The following ACTR3C variants were observed in gnomAD, a reference collection of about 807,000 sequenced individuals.
ACTR3C encodes the protein actin-related protein 3C.
A neutral mutation model predicts 26.3 loss-of-function variants in ACTR3C; 18 were observed. The ratio of observed to expected loss-of-function variants is 0.68; its 90% CI spans 0.47 to 1.01. The LOEUF is 1.01. ACTR3C is among the 50% of genes least tolerant of loss of function. The pLI is 0.00. For synonymous variants in ACTR3C, 55 were observed against 94.5 expected, an observed-to-expected ratio of 0.58 and a Z score of 2.42; for missense variants, 184 against 250.7, an observed-to-expected ratio of 0.73 and a Z score of 1.80.
chr7:150,077,951 C>T, the ACTR3C span, among the ~76,000 whole-genome samples: 9 of 152,176 alleles, frequency 5.9e-5, no homozygotes, highest in African/African-American at 1.2e-4. Flanking sequence ...ATGAACTGGA[C>T]GTGCAATTCA....
At chr7:150,163,627 C>T in the ACTR3C span, among the ~76,000 whole-genome samples, 1 of 151,798 alleles carries the variant, frequency 6.6e-6, no homozygotes, top group South Asian at 2.1e-4. Context: ...CCAGAATCTG[C>T]CATCTGCAGA....
chr7:150,259,293 A>G (rs1027724785), intron 6 of ACTR3C, among the ~76,000 whole-genome samples: 8 of 140,232 alleles, frequency 5.7e-5, no homozygotes, highest in South Asian at 2.2e-4. Flanking sequence ...AAGAAAGAAA[A>G]AGAAAGAAAG....
At chr7:150,182,735 C>T in the ACTR3C span, among the ~76,000 whole-genome samples, 2 of 150,998 alleles carry the variant, frequency 1.3e-5, no homozygotes, top group African/African-American at 5.0e-5. Flanking sequence ...CACAATATGT[C>T]ATCCAAAACT....
At chr7:149,890,012 A>G in the ACTR3C span, among the ~76,000 whole-genome samples, 2 of 152,256 alleles carry the variant, frequency 1.3e-5, no homozygotes, top group African/African-American at 4.8e-5. Flanking sequence ...TGGCTTTAAT[A>G]TACATTAAAT....
the ACTR3C span, among the ~76,000 whole-genome samples, chr7:149,941,724 C>T: frequency 1.3e-5 from 2 of 152,232 alleles, no homozygotes; most frequent in African/African-American, 2.4e-5. Context: ...ATGGGAAACA[C>T]AGGCACCTAG....
At chr7:150,110,662 C>T in the ACTR3C span, among the ~76,000 whole-genome samples, 1 of 127,418 alleles carries the variant, frequency 7.8e-6, no homozygotes, top group South Asian at 2.7e-4. Flanking sequence ...AGGGGCAAAA[C>T]TGTCTGAGGG....
the ACTR3C span, among the ~76,000 whole-genome samples, chr7:149,933,629 C>A: frequency 6.6e-6 from 1 of 152,204 alleles, no homozygotes; most frequent in Non-Finnish European, 1.5e-5. Flanking sequence ...GAGCAACACA[C>A]AGATTCTAGG....
At chr7:150,248,389 G>A (rs1832592888) in intron 7 of ACTR3C, 1 of 152,138 alleles carries the variant, frequency 6.6e-6, no homozygotes, top group African/African-American at 2.4e-5. Context: ...TAGGCCGGGT[G>A]CGGTGGCTCG....
the ACTR3C span, among the ~76,000 whole-genome samples, chr7:150,035,178 T>A: frequency 3.1e-3 from 326 of 105,448 alleles, 6 homozygotes; most frequent in African/African-American, 9.6e-3. Flanking sequence ...GGGAAGAGGG[T>A]CTGGCTCTCA....
At chr7:150,026,779 T>G in the ACTR3C span, among the ~76,000 whole-genome samples, 1 of 152,078 alleles carries the variant, frequency 6.6e-6, no homozygotes, top group Non-Finnish European at 1.5e-5. Flanking sequence ...GAGAAGCAAA[T>G]ATAGAAGTTG....
the ACTR3C span, among the ~76,000 whole-genome samples, chr7:150,041,198 CG>C: frequency 6.6e-6 from 1 of 150,382 alleles, no homozygotes; most frequent in African/African-American, 2.5e-5. Flanking sequence ...TCAAAAGTTC[CG>C]GGTCCCCGAC....
At chr7:150,169,243 C>A in the ACTR3C span, among the ~76,000 whole-genome samples, 1 of 150,138 alleles carries the variant, frequency 6.7e-6, no homozygotes, top group East Asian at 1.9e-4. Flanking sequence ...GTTAGCTGGG[C>A]ATGGTGACAG....
At chr7:150,302,747 G>A (rs1339632798) in intron 1 of ACTR3C, 1 of 151,996 alleles carries the variant, frequency 6.6e-6, no homozygotes, top group Non-Finnish European at 1.5e-5. Context: ...TATGTGAAGT[G>A]TTAAACTCCG....
chr7:150,244,796 A>C (rs375078698), downstream of ACTR3C: 10,400 of 156,780 alleles, frequency 0.066, 1,169 homozygotes, highest in African/African-American at 0.24. Flanking sequence ...GGTGGTGGAA[A>C]CCATGCAGAA....
the ACTR3C span, among the ~76,000 whole-genome samples, chr7:149,993,286 T>C: frequency 6.6e-6 from 1 of 151,644 alleles, no homozygotes; most frequent in Non-Finnish European, 1.5e-5. Context: ...ACATTCACCA[T>C]CACGGCAACA....
At chr7:150,092,376 A>G in the ACTR3C span, among the ~76,000 whole-genome samples, 3 of 151,570 alleles carry the variant, frequency 2.0e-5, 1 homozygote, top group African/African-American at 4.9e-5. Context: ...GTCAATGGGT[A>G]TGTTCCAACC....
At chr7:150,308,648 C>G (rs1051069273) in intron 1 of ACTR3C, among the ~76,000 whole-genome samples, 5 of 152,072 alleles carry the variant, frequency 3.3e-5, no homozygotes, top group African/African-American at 9.7e-5. Flanking sequence ...CTCTCTCCCC[C>G]TCCCCAGGCC....
the ACTR3C span, among the ~76,000 whole-genome samples, chr7:149,959,230 C>T: frequency 6.9e-4 from 1 of 1,446 alleles, no homozygotes; most frequent in African/African-American, 1.5e-3. Context: ...TCGCCCCCCA[C>T]CCCCACAATC....
chr7:149,897,892 A>G, the ACTR3C span, among the ~76,000 whole-genome samples: 2 of 152,256 alleles, frequency 1.3e-5, no homozygotes, highest in East Asian at 1.9e-4. Context: ...AAAAAATAAA[A>G]AAGAGTGAAA....
Sources: allele counts gnomAD v4.1 joint callset (sites outside exome capture counted in the v4.1 genomes callset), GRCh38; gene constraint gnomAD v4.1.1; transcripts MANE v1.5; gene names NCBI Gene and HGNC (gene_info 2026-07-23, HGNC 2026-07-21).